The following FAM53B variants were observed in gnomAD, a reference collection of about 807,000 sequenced individuals.
FAM53B encodes family with sequence similarity 53 member B, also known as protein FAM53B.
In FAM53B, 12 loss-of-function variants were observed where a neutral mutation model predicts 32.7. The ratio of observed to expected loss-of-function variants is 0.37; its 90% CI spans 0.24 to 0.59. The LOEUF is 0.59. Ranked by LOEUF, FAM53B falls within the 20% of genes least tolerant of loss-of-function variation. The pLI, the probability that FAM53B is intolerant of heterozygous loss-of-function variation, is 0.72. For missense variants in FAM53B, 477 were observed against 577.7 expected, an observed-to-expected ratio of 0.83 and a Z score of 1.79; for synonymous variants, 234 against 228.7, an observed-to-expected ratio of 1.02 and a Z score of -0.21.
chr10:124,664,597 C>T (rs960751253), intron 4 of FAM53B, among the ~76,000 whole-genome samples: 3 of 152,356 alleles, frequency 2.0e-5, no homozygotes, highest in South Asian at 2.1e-4. Flanking sequence ...GCCAACTCTC[C>T]GGCCCTCAGC....
chr10:124,727,797 C>G (rs1341827471), intron 1 of FAM53B, among the ~76,000 whole-genome samples: 3 of 152,096 alleles, frequency 2.0e-5, no homozygotes, highest in African/African-American at 7.2e-5. Flanking sequence ...ACGGCTCTGG[C>G]TACAGCTAAC....
At chr10:124,723,814 T>C (rs1312370620) in intron 1 of FAM53B, among the ~76,000 whole-genome samples, 2 of 152,112 alleles carry the variant, frequency 1.3e-5, no homozygotes, top group African/African-American at 4.8e-5. Context: ...AATGGGTCAA[T>C]GGGAAGATTA....
At chr10:124,701,222 C>T (rs755134918) in intron 2 of FAM53B, among the ~76,000 whole-genome samples, 1 of 152,206 alleles carries the variant, frequency 6.6e-6, no homozygotes, top group Non-Finnish European at 1.5e-5. Context: ...TAGCATGGCC[C>T]GAAGTATGAA....
intron 4 of FAM53B, among the ~76,000 whole-genome samples, chr10:124,666,706 T>G (rs977253446): frequency 6.6e-6 from 1 of 151,980 alleles, no homozygotes; most frequent in Non-Finnish European, 1.5e-5. Flanking sequence ...GCTGCACGGG[T>G]ACAGTAGAAA....
At chr10:124,738,321 T>A (rs1033621574) in intron 1 of FAM53B, among the ~76,000 whole-genome samples, 1 of 151,866 alleles carries the variant, frequency 6.6e-6, no homozygotes, top group Admixed American at 6.6e-5. Context: ...TCTCCAAGAT[T>A]GTGATGTAAT....
At chr10:124,672,255 A>C (rs1949711349) in intron 4 of FAM53B, among the ~76,000 whole-genome samples, 1 of 152,112 alleles carries the variant, frequency 6.6e-6, no homozygotes, top group Non-Finnish European at 1.5e-5. Context: ...TCCATCCCAC[A>C]CCCATCTCCG....
At chr10:124,672,203 G>C (rs920155911) in intron 4 of FAM53B, among the ~76,000 whole-genome samples, 10 of 152,256 alleles carry the variant, frequency 6.6e-5, no homozygotes, top group African/African-American at 2.4e-4. Flanking sequence ...GAAAAGGCCC[G>C]GTCAGGCACC....
chr10:124,625,814 G>A (rs1949344730), intron 4 of FAM53B, among the ~76,000 whole-genome samples: 1 of 152,190 alleles, frequency 6.6e-6, no homozygotes. Flanking sequence ...CGTGTGTCCC[G>A]GGCTCTGCTG....
intron 1 of FAM53B, among the ~76,000 whole-genome samples, chr10:124,740,832 G>GAGGGTAGCAGC (rs1359082152): frequency 6.6e-6 from 1 of 152,206 alleles, no homozygotes; most frequent in Non-Finnish European, 1.5e-5. Context: ...GCGTGGAGGG[G>GAGGGTAGCAGC]AGGGTAGCAG....
intron 4 of FAM53B, among the ~76,000 whole-genome samples, chr10:124,649,315 G>A (rs1949540582): frequency 1.3e-5 from 2 of 152,222 alleles, no homozygotes; most frequent in South Asian, 2.1e-4. Flanking sequence ...AACTAACCCT[G>A]GCAGAGGCCT....
intron 4 of FAM53B, among the ~76,000 whole-genome samples, chr10:124,657,946 C>T (rs1949604907): frequency 6.6e-6 from 1 of 152,224 alleles, no homozygotes; most frequent in African/African-American, 2.4e-5. Context: ...AGGAAGGTTC[C>T]TTTCTGCTTG....
At chr10:124,623,746 G>A in intron 4 of FAM53B, 142 bp from the exon 5 acceptor site, 2 of 896,464 alleles carry the variant, frequency 2.2e-6, no homozygotes, top group Non-Finnish European at 3.3e-6. Flanking sequence ...GGCAAGGACG[G>A]GCCCATGAGC....
rs1441705141 is a variant in FAM53B, at chr10:124,626,375, G to A, written c.907-2771C>T. ...GTCTCGGCACTAACCGTGGTGCTAC[G>A]GTCGAAATTTGTGCCCCCCCCCCCC... is the stretch of plus-strand genomic sequence containing the variant. On this transcript the variant is annotated intron_variant, in intron 4 of 4. Coordinates refer to ENST00000337318, the MANE Select transcript of FAM53B (RefSeq NM_014661.4). Among the ~76,000 whole-genome samples the A allele has an allele frequency of 1.4e-4, 16 of 113,626 alleles. 1 individual carries two copies. The East Asian group carries it at 1.5e-3, about 10-fold the overall frequency. 74.5% of individuals were successfully genotyped at this position (113,626 alleles called of 152,430 possible). A position where few individuals can be genotyped will look rare whatever the true frequency, so the allele number is the denominator to read the frequency against.
chr10:124,681,980 G>T lies in FAM53B; in HGVS notation c.533C>A (p.Ser178Tyr), dbSNP rs749576175. 6.2e-7 allele frequency: 1 copy of T among 1,614,118 alleles called. No individual in the cohort carries two copies. The highest frequency in any genetic ancestry group is 8.5e-7 in the Non-Finnish European group (1 of 1,180,038). The stretch of plus-strand genomic sequence containing the variant: ...GAGTCCTGCCTGGTCGCAGGGTGAG[G>T]AGAGCACGTTGGCCCGGGAAGGGAG... ...FSLPSRANVL[S>Y]SPCDQAGLHH... The change falls in exon 4 of 5, where the codon TCC (serine) becomes TAC (tyrosine). Residue 178 changes from serine (S) to tyrosine (Y), a missense_variant. By Grantham distance (144) the Ser-to-Tyr change is moderately radical. This residue lies in a region of FAM53B where 312 missense variants were observed against 420.2 expected (regional missense o/e 0.74). Transcript: ENST00000337318.
chr10:124,682,288 G>C lies in FAM53B; in HGVS notation c.225C>G (p.Asp75Glu). 1 of 1,614,020 alleles carries C rather than the reference G, an allele frequency of 6.2e-7. No individual in the cohort carries two copies. The highest frequency in any genetic ancestry group is 8.5e-7 in the Non-Finnish European group (1 of 1,180,000). The change falls in exon 4 of 5, where the codon GAC (aspartate) becomes GAG (glutamate). Residue 75 changes from aspartate (D) to glutamate (E), a missense_variant. Asp to Glu is a conservative substitution (Grantham distance 45). Transcript: ENST00000337318. The surrounding 1 kb of genome is among the most constrained non-coding windows in gnomAD (Gnocchi z 5.2). ...CTGCCTCCCGGTGCCATAGTGAGCT[G>C]TCCTTTTCAGGCAGGCATTCCCAGA... ...TSIWECLPEKDSSLWHREAVT... is the reference protein window; with the variant it reads ...TSIWECLPEKESSLWHREAVT...
chr10:124,673,580 G>A (rs530462227), intron 4 of FAM53B, among the ~76,000 whole-genome samples: 44 of 152,290 alleles, frequency 2.9e-4, no homozygotes, highest in Admixed American at 1.9e-3. Flanking sequence ...GTGGGCACTC[G>A]CCCTAGGACC....
chr10:124,668,128 T>A (rs1256855072), intron 4 of FAM53B, among the ~76,000 whole-genome samples: 1 of 152,250 alleles, frequency 6.6e-6, no homozygotes, highest in African/African-American at 2.4e-5. Context: ...TTTCCCTGCG[T>A]GAATCAAGCT....
chr10:124,685,599 G>A (rs556692003), intron 3 of FAM53B, among the ~76,000 whole-genome samples: 2 of 152,236 alleles, frequency 1.3e-5, no homozygotes, highest in South Asian at 2.1e-4. Context: ...CTGCGTCTCC[G>A]CCAGGCCTCG....
At chr10:124,665,571 A>T (rs1167464085) in intron 4 of FAM53B, among the ~76,000 whole-genome samples, 1 of 152,228 alleles carries the variant, frequency 6.6e-6, no homozygotes, top group Non-Finnish European at 1.5e-5. Flanking sequence ...GCATACATGG[A>T]GGTCCTGTGT....
Sources: allele counts gnomAD v4.1 joint callset (sites outside exome capture counted in the v4.1 genomes callset), GRCh38; gene constraint gnomAD v4.1.1; regional missense constraint gnomAD v4.1.1; non-coding constraint Gnocchi (gnomAD v3.1); transcripts MANE v1.5; gene names NCBI Gene and HGNC (gene_info 2026-07-23, HGNC 2026-07-21).